HOOK1: variants seen among roughly 807,000 people sequenced by gnomAD.
HOOK1 encodes the protein hook microtubule tethering protein 1, also known as protein Hook homolog 1.
Under a neutral mutation model 112.8 loss-of-function variants are expected in HOOK1, and 60 were observed. The ratio of observed to expected loss-of-function variants is 0.53; its 90% CI spans 0.43 to 0.66. The LOEUF is 0.66. Among genes scored for constraint, HOOK1 ranks in the 30% least tolerant of loss-of-function variants. The probability of loss-of-function intolerance (pLI) is 0.00; values close to 1 mark genes in which losing one functional copy is unlikely to be tolerated. For missense variants in HOOK1, 770 were observed against 856.0 expected, an observed-to-expected ratio of 0.90 and a Z score of 1.25; for synonymous variants, 294 against 283.8, an observed-to-expected ratio of 1.04 and a Z score of -0.36.
chr1:59,856,866 C>G (rs1229194420), intron 12 of HOOK1, among the ~76,000 whole-genome samples: 1 of 152,120 alleles, frequency 6.6e-6, no homozygotes, highest in Non-Finnish European at 1.5e-5. Flanking sequence ...TTATCCAGTG[C>G]TGAGACAATG....
chr1:59,841,063 A>G (rs1002925484), intron 8 of HOOK1, among the ~76,000 whole-genome samples: 1 of 152,122 alleles, frequency 6.6e-6, no homozygotes, highest in Non-Finnish European at 1.5e-5. Context: ...GATAGCATAT[A>G]TCTCCCAGAG....
Position 59,875,499 on chromosome 1 carries a change from G to C in HOOK1, c.*2534G>C, listed in dbSNP as rs1373994494. The C allele has an allele frequency of 1.3e-5, 2 of 152,590 alleles. No homozygotes were observed. Among genetic ancestry groups the C allele is most frequent in the African/African-American group, 4.8e-5 (2 of 41,456 alleles). 9.5% of individuals were successfully genotyped at this position (152,590 alleles called of 1,614,324 possible). A position where few individuals can be genotyped will look rare whatever the true frequency, so the allele number is the denominator to read the frequency against. On this transcript the variant is annotated 3_prime_UTR_variant, in exon 22 of 22. Transcript: ENST00000371208. ...AATGTAGTGAGTTGACACCCTGTGG[G>C]TGGTAAAGCATTATAAACATTTCAT...
chr1:59,835,838 C>T (rs1049727111), intron 6 of HOOK1, among the ~76,000 whole-genome samples: 3 of 151,944 alleles, frequency 2.0e-5, no homozygotes, highest in Non-Finnish European at 4.4e-5. Flanking sequence ...CTAATGCTGC[C>T]GCTGATCTAT....
intron 6 of HOOK1, among the ~76,000 whole-genome samples, chr1:59,835,998 G>A (rs557401211): frequency 3.3e-5 from 5 of 152,026 alleles, no homozygotes; most frequent in African/African-American, 7.2e-5. Context: ...AGCAGGAAAC[G>A]CAGGATAAAC....
chr1:59,815,325 G>A, intron 1 of HOOK1, 145 bp downstream of exon 1: 1 of 734,460 alleles, frequency 1.4e-6, no homozygotes, highest in South Asian at 1.9e-5. Context: ...TTGACCGAGA[G>A]AATGCCACCT....
intron 2 of HOOK1, among the ~76,000 whole-genome samples, chr1:59,824,504 C>T (rs113136740): frequency 0.032 from 4,856 of 152,270 alleles, 135 homozygotes; most frequent in Admixed American, 0.087. Flanking sequence ...CCGCGCCCAG[C>T]TCAAATATGT....
Position 59,862,781 on chromosome 1 carries a change from T to C in HOOK1, c.1533-3T>C, listed in dbSNP as rs573651295. 1.9e-5 allele frequency: 31 copies of C among 1,596,708 alleles called. No homozygotes were observed. The East Asian group carries it at 5.4e-4, about 28-fold the overall frequency. On this transcript the variant is annotated splice_region_variant and splice_polypyrimidine_tract_variant and intron_variant, in intron 15 of 21. Coordinates refer to ENST00000371208, the MANE Select transcript of HOOK1 (RefSeq NM_015888.6). ...TAAATGCTTATGACCCATCTTACAATAGGCTGAGCAAAGAGCGTATTAGAG... is the reference window on the plus strand; with the variant it reads ...TAAATGCTTATGACCCATCTTACAACAGGCTGAGCAAAGAGCGTATTAGAG...
chr1:59,853,273 C>T (rs2098408222), intron 12 of HOOK1, among the ~76,000 whole-genome samples: 1 of 151,930 alleles, frequency 6.6e-6, no homozygotes, highest in Non-Finnish European at 1.5e-5. Context: ...GTTTTTACCT[C>T]ATGTATTTTA....
At chr1:59,820,001 C>A (rs537210150) in intron 1 of HOOK1, among the ~76,000 whole-genome samples, 1 of 152,294 alleles carries the variant, frequency 6.6e-6, no homozygotes, top group Non-Finnish European at 1.5e-5. Context: ...AACTGGTCTG[C>A]CTGACTCAGG....
At chr1:59,840,615 T>C (rs2098400557) in intron 8 of HOOK1, among the ~76,000 whole-genome samples, 1 of 152,130 alleles carries the variant, frequency 6.6e-6, no homozygotes, top group Non-Finnish European at 1.5e-5. Context: ...AGAAAATCAC[T>C]CTACTAATTT....
intron 5 of HOOK1, among the ~76,000 whole-genome samples, chr1:59,834,010 G>A (rs1444603947): frequency 6.6e-6 from 1 of 152,142 alleles, no homozygotes; most frequent in Admixed American, 6.6e-5. Context: ...GATATAAATG[G>A]AATTGATGCA....
In HOOK1 at chr1:59,846,244, C is replaced by T. The variant is rs751066528; in HGVS notation, c.789-801C>T. Among the ~76,000 whole-genome samples, 7 of 151,514 alleles carry T rather than the reference C, an allele frequency of 4.6e-5. No homozygotes were observed. The South Asian group carries it at 6.2e-4, about 13-fold the overall frequency. On this transcript the variant is annotated intron_variant, in intron 9 of 21. Transcript: ENST00000371208. ...GTTGTTCATAATATTCTTTTTTTAT[C>T]GTTATAATGATTCTGGCAGATGTGA...
At chr1:59,830,260 T>C (rs1390082852) in intron 3 of HOOK1, among the ~76,000 whole-genome samples, 1 of 152,092 alleles carries the variant, frequency 6.6e-6, no homozygotes, top group African/African-American at 2.4e-5. Flanking sequence ...TTATACTATG[T>C]GTATAGTGTA....
chr1:59,834,766 T>C (rs2098396357), intron 5 of HOOK1, among the ~76,000 whole-genome samples: 3 of 152,260 alleles, frequency 2.0e-5, no homozygotes, highest in South Asian at 4.1e-4. Context: ...TTAACCAGGT[T>C]TGTAAGTTTC....
intron 19 of HOOK1, among the ~76,000 whole-genome samples, chr1:59,867,870 G>A (rs1433820379): frequency 6.6e-6 from 1 of 152,016 alleles, no homozygotes; most frequent in South Asian, 2.1e-4. Flanking sequence ...TTTCCTTAGA[G>A]TTATTGAATT....
intron 3 of HOOK1, among the ~76,000 whole-genome samples, chr1:59,830,065 T>A (rs544496029): frequency 8.1e-4 from 124 of 152,236 alleles, no homozygotes; most frequent in African/African-American, 2.7e-3. Context: ...GAGACAATAC[T>A]CTGTATTGAG....
intron 16 of HOOK1, chr1:59,863,836 T>C: frequency 1.0e-6 from 1 of 970,442 alleles, no homozygotes; most frequent in Non-Finnish European, 1.2e-6. Flanking sequence ...AATCGTCTCA[T>C]GCATGGCGGC....
Position 59,835,328 on chromosome 1 carries a change from A to AT in HOOK1, c.407-10dup. 4 of 1,480,914 alleles carry AT rather than the reference A, an allele frequency of 2.7e-6. No individual in the cohort carries two copies. Among genetic ancestry groups the AT allele is most frequent in the African/African-American group, 1.4e-5 (1 of 71,924 alleles). 91.7% of individuals were successfully genotyped at this position (1,480,914 alleles called of 1,614,324 possible). The stretch of plus-strand genomic sequence containing the variant: ...AAAGAGTAGATTTTTTTCAGATTTG[A>AT]TTTTTTTAAATCATAGAACATATTC... On this transcript the variant is annotated splice_polypyrimidine_tract_variant and intron_variant, in intron 5 of 21. Coordinates refer to ENST00000371208, the MANE Select transcript of HOOK1 (RefSeq NM_015888.6).
Position 59,847,105 on chromosome 1 carries a change from C to T in HOOK1, c.849C>T (p.Ile283=), listed in dbSNP as rs764306514. Residue 283 remains isoleucine, a synonymous_variant, in exon 10 of 22, where the codon ATC becomes ATT. Coordinates refer to ENST00000371208, the MANE Select transcript of HOOK1 (RefSeq NM_015888.6). ...VHCEELEKQL[I]EFQHRNDELT... is the part of the protein sequence containing the mutation. ...GTGAAGAACTTGAAAAGCAGCTAAT[C>T]GAATTCCAGCATAGGAATGATGAAT... The T allele has an allele frequency of 4.4e-6, 7 of 1,608,350 alleles. No individual in the cohort carries two copies. Among genetic ancestry groups the T allele is most frequent in the Non-Finnish European group, 4.2e-6 (5 of 1,176,792 alleles).
Sources: allele counts gnomAD v4.1 joint callset (sites outside exome capture counted in the v4.1 genomes callset), GRCh38; gene constraint gnomAD v4.1.1; transcripts MANE v1.5; gene names NCBI Gene and HGNC (gene_info 2026-07-23, HGNC 2026-07-21).